The following SEMA6A variants were observed in gnomAD, a reference collection of about 807,000 sequenced individuals.
SEMA6A encodes the protein semaphorin 6A.
A neutral mutation model predicts 96.8 loss-of-function variants in SEMA6A; 25 were observed. That is an observed-to-expected ratio of 0.26 (90% CI 0.19 to 0.36). SEMA6A has a LOEUF of 0.36. Ranked by LOEUF, SEMA6A falls within the 10% of genes least tolerant of loss-of-function variation. The pLI, the probability that SEMA6A is intolerant of heterozygous loss-of-function variation, is 1.00. For synonymous variants in SEMA6A, 612 were observed against 518.0 expected, an observed-to-expected ratio of 1.18 and a Z score of -2.46; for missense variants, 1,363 against 1,323.1, an observed-to-expected ratio of 1.03 and a Z score of -0.47.
At chr5:116,469,603 G>A (rs1161563604) in intron 17 of SEMA6A, 1 of 152,174 alleles carries the variant, frequency 6.6e-6, no homozygotes. Context: ...TCCCCTCCAA[G>A]TAGCAAGATT....
intron 1 of SEMA6A, among the ~76,000 whole-genome samples, chr5:116,519,467 G>A (rs956411993): frequency 3.9e-5 from 6 of 152,142 alleles, no homozygotes; most frequent in Non-Finnish European, 8.8e-5. Context: ...GCTTTTGTTA[G>A]TAATTTTCCT....
chr5:116,475,414 AGAT>A (rs1756394831), intron 16 of SEMA6A, 128 bp downstream of exon 16: 1 of 560,778 alleles, frequency 1.8e-6, no homozygotes, highest in Non-Finnish European at 3.1e-6. Context: ...GGTATTTAGA[AGAT>A]GATTTCCGTC....
intron 16 of SEMA6A, among the ~76,000 whole-genome samples, chr5:116,473,880 G>GCACCCTTGGC (rs1309190645): frequency 6.6e-6 from 1 of 152,180 alleles, no homozygotes; most frequent in Non-Finnish European, 1.5e-5. Flanking sequence ...CCCCGAGCAA[G>GCACCCTTGGC]CACCCTTGGC....
chr5:116,505,801 G>A (rs375104290), intron 1 of SEMA6A, among the ~76,000 whole-genome samples: 8 of 151,536 alleles, frequency 5.3e-5, no homozygotes, highest in African/African-American at 1.5e-4. Context: ...TTTTCTTGAC[G>A]AAGCTCTTTA....
At chr5:116,506,241 A>G (rs899990872) in intron 1 of SEMA6A, among the ~76,000 whole-genome samples, 4 of 152,198 alleles carry the variant, frequency 2.6e-5, no homozygotes, top group Non-Finnish European at 5.9e-5. Flanking sequence ...TTGCACTGTA[A>G]CTTATAATTT....
At chr5:116,523,851 T>C (rs2112822434) in intron 1 of SEMA6A, among the ~76,000 whole-genome samples, 1 of 152,280 alleles carries the variant, frequency 6.6e-6, no homozygotes, top group South Asian at 2.1e-4. Flanking sequence ...CTGATACAAA[T>C]ACAAATGGCA....
At chr5:116,495,091 G>A (rs565183566) in intron 6 of SEMA6A, among the ~76,000 whole-genome samples, 2 of 152,268 alleles carry the variant, frequency 1.3e-5, no homozygotes, top group South Asian at 2.1e-4. Context: ...TTAGATAGTG[G>A]GGTGGGAGGG....
At chr5:116,463,150 T>C (rs1331146697) in intron 18 of SEMA6A, among the ~76,000 whole-genome samples, 1 of 152,144 alleles carries the variant, frequency 6.6e-6, no homozygotes, top group Non-Finnish European at 1.5e-5. Flanking sequence ...GTAGCAAGTT[T>C]AGGGAGTTGT....
At chr5:116,529,139 T>C (rs1453672840) in intron 1 of SEMA6A, among the ~76,000 whole-genome samples, 1 of 152,126 alleles carries the variant, frequency 6.6e-6, no homozygotes, top group Non-Finnish European at 1.5e-5. Context: ...AGAGTCTGTT[T>C]AGTGTGAATA....
intron 1 of SEMA6A, among the ~76,000 whole-genome samples, chr5:116,542,549 T>TG (rs1404107842): frequency 6.6e-6 from 1 of 152,188 alleles, no homozygotes; most frequent in Non-Finnish European, 1.5e-5. Flanking sequence ...AAAAGCACCA[T>TG]GGGCCATACA....
At position 116,574,500 on chromosome 5, in the gene SEMA6A, ACT is replaced by A. The variant is rs1761384636; in HGVS notation, c.-356_-355del. On this transcript the variant is annotated 5_prime_UTR_variant, in exon 1 of 19. Transcript: ENST00000343348. ...AAGGAAGAGGGTAAATGTTCAAGAA[ACT>A]CTTCTCCAAATCCAAATTCCACTTG... 6.7e-6 allele frequency: 1 copy of A among 150,316 alleles called. No individual in the cohort carries two copies. Among genetic ancestry groups the A allele is most frequent in the Non-Finnish European group, 1.5e-5 (1 of 67,858 alleles). The allele number at this position is 150,316 out of a possible 1,614,324, so 9.3% of individuals were successfully genotyped here. A position where few individuals can be genotyped will look rare whatever the true frequency, so the allele number is the denominator to read the frequency against.
At chr5:116,562,496 A>C in intron 1 of SEMA6A, 1 of 466,258 alleles carries the variant, frequency 2.1e-6, no homozygotes. Context: ...GACACAGGAA[A>C]AAGTACTTTT....
At chr5:116,467,516 G>T in intron 18 of SEMA6A, 67 bp downstream of exon 18, 3 of 1,486,182 alleles carry the variant, frequency 2.0e-6, no homozygotes, top group Non-Finnish European at 2.7e-6. Context: ...GCTGGAAGCA[G>T]TTACACAGTC....
At chr5:116,515,143 C>G (rs17139989) in intron 1 of SEMA6A, among the ~76,000 whole-genome samples, 10,854 of 152,168 alleles carry the variant, frequency 0.071, 450 homozygotes, top group Admixed American at 0.11. Flanking sequence ...AAGACAGCAG[C>G]GTGTTAAAAC....
rs1310088194 is a variant in SEMA6A at position 116,444,394 on chromosome 5, C to T, written c.*2219G>A. 6.6e-6 allele frequency: 1 copy of T among 152,154 alleles called. No individual in the cohort carries two copies. Among genetic ancestry groups the T allele is most frequent in the Non-Finnish European group, 1.5e-5 (1 of 68,022 alleles). The allele number at this position is 152,154 out of a possible 1,614,324, so 9.4% of individuals were successfully genotyped here. On this transcript the variant is annotated 3_prime_UTR_variant, in exon 19 of 19. Transcript: ENST00000343348. Reference sequence around the variant, plus strand: ...GGCTCCACTTTTTCACTATCCAACTCAAAACTGTCATTGTCAGTCTTTTTT... The same window carrying T: ...GGCTCCACTTTTTCACTATCCAACTTAAAACTGTCATTGTCAGTCTTTTTT...
chr5:116,499,898 G>A (rs1198989501), intron 3 of SEMA6A, among the ~76,000 whole-genome samples: 1 of 152,110 alleles, frequency 6.6e-6, no homozygotes, highest in African/African-American at 2.4e-5. Context: ...TATGGTCCAC[G>A]CCCTGCTAAA....
chr5:116,518,201 C>T (rs1758756422), intron 1 of SEMA6A, among the ~76,000 whole-genome samples: 1 of 152,098 alleles, frequency 6.6e-6, no homozygotes, highest in Non-Finnish European at 1.5e-5. Flanking sequence ...GACAGACTCT[C>T]CTATTCCTCT....
intron 11 of SEMA6A, among the ~76,000 whole-genome samples, chr5:116,480,664 G>C (rs192156860): frequency 6.6e-6 from 1 of 152,128 alleles, no homozygotes; most frequent in African/African-American, 2.4e-5. Flanking sequence ...TCTACAGAGG[G>C]AAAGAATTAG....
intron 1 of SEMA6A, among the ~76,000 whole-genome samples, chr5:116,553,013 T>A (rs921568489): frequency 3.9e-5 from 6 of 152,204 alleles, no homozygotes; most frequent in Non-Finnish European, 5.9e-5. Context: ...TGTGAATCTT[T>A]GTGAGTCACC....
Sources: allele counts gnomAD v4.1 joint callset (sites outside exome capture counted in the v4.1 genomes callset), GRCh38; gene constraint gnomAD v4.1.1; transcripts MANE v1.5; gene names NCBI Gene and HGNC (gene_info 2026-07-23, HGNC 2026-07-21).